Variants in GRIK1 observed in about 807,000 individuals in gnomAD.
The protein encoded by GRIK1 is glutamate ionotropic receptor kainate type subunit 1, also known as glutamate receptor ionotropic, kainate 1.
Under a neutral mutation model 105.7 loss-of-function variants are expected in GRIK1, and 69 were observed. That is an observed-to-expected ratio of 0.65 (90% CI 0.54 to 0.80). The LOEUF is 0.80. GRIK1 is among the 30% of genes least tolerant of loss of function. The pLI, the probability that GRIK1 is intolerant of heterozygous loss-of-function variation, is 0.00. For synonymous variants in GRIK1, 438 were observed against 431.3 expected, an observed-to-expected ratio of 1.02 and a Z score of -0.19; for missense variants, 1,109 against 1,167.3, an observed-to-expected ratio of 0.95 and a Z score of 0.73.
At chr21:29,777,622 G>A (rs1434555269) in intron 1 of GRIK1, among the ~76,000 whole-genome samples, 1 of 152,154 alleles carries the variant, frequency 6.6e-6, no homozygotes, top group African/African-American at 2.4e-5. Context: ...GGCAAGCAGG[G>A]AACGAATATC....
intron 3 of GRIK1, among the ~76,000 whole-genome samples, chr21:29,674,793 A>G (rs750857573): frequency 6.6e-6 from 1 of 152,174 alleles, no homozygotes; most frequent in Non-Finnish European, 1.5e-5. Flanking sequence ...GTTATAAATT[A>G]CTCAGTCTCA....
intron 1 of GRIK1, among the ~76,000 whole-genome samples, chr21:29,833,292 T>C (rs419698): frequency 0.39 from 59,121 of 152,022 alleles, 12,586 homozygotes; most frequent in East Asian, 0.7. Flanking sequence ...GCCTTCCACT[T>C]TTTTCCAACC....
At chr21:29,882,570 C>T (rs1001209819) in intron 1 of GRIK1, among the ~76,000 whole-genome samples, 6 of 152,032 alleles carry the variant, frequency 3.9e-5, no homozygotes, top group African/African-American at 1.4e-4. Context: ...AGAAGCAGCT[C>T]ATGATGGGGA....
intron 1 of GRIK1, among the ~76,000 whole-genome samples, chr21:29,740,287 G>A (rs1310351320): frequency 6.6e-5 from 10 of 150,992 alleles, no homozygotes; most frequent in East Asian, 3.9e-4. Flanking sequence ...GCACAATCTC[G>A]GCTGACTGCA....
intron 4 of GRIK1, among the ~76,000 whole-genome samples, chr21:29,664,256 G>A (rs1442169726): frequency 6.6e-6 from 1 of 152,196 alleles, no homozygotes; most frequent in Non-Finnish European, 1.5e-5. Flanking sequence ...ATGTAGAGCA[G>A]GGAGTGATGT....
chr21:29,740,897 TA>T (rs1422563801), intron 1 of GRIK1, among the ~76,000 whole-genome samples: 1 of 152,214 alleles, frequency 6.6e-6, no homozygotes, highest in Non-Finnish European at 1.5e-5. Flanking sequence ...ATTCACCAAG[TA>T]GATAGCTGAA....
chr21:29,823,797 T>G (rs2067370469), intron 1 of GRIK1, among the ~76,000 whole-genome samples: 1 of 152,034 alleles, frequency 6.6e-6, no homozygotes, highest in Non-Finnish European at 1.5e-5. Flanking sequence ...TTTGTGTATC[T>G]GTTAACTCAA....
intron 1 of GRIK1, among the ~76,000 whole-genome samples, chr21:29,848,441 C>T (rs990228564): frequency 2.7e-4 from 41 of 152,098 alleles, no homozygotes; most frequent in African/African-American, 9.4e-4. Flanking sequence ...CAATTGAATC[C>T]TCCACTCACA....
chr21:29,560,507 C>CTTTCTTTCTTTCTTTCTTT lies in GRIK1; in HGVS notation c.2356+1116_2356+1117insAAAGAAAGAAAGAAAGAAA, dbSNP rs1568815221. Among the ~76,000 whole-genome samples the CTTTCTTTCTTTCTTTCTTT allele has an allele frequency of 2.0e-3, 61 of 30,126 alleles. 15 individuals carry two copies. Among genetic ancestry groups the CTTTCTTTCTTTCTTTCTTT allele is most frequent in the East Asian group, 5.8e-3 (7 of 1,202 alleles). The allele number at this position is 30,126 out of a possible 152,430, so 19.8% of individuals were successfully genotyped here. ...CCTTTCTTTCTTTCTTTCCTTCCTT[C>CTTTCTTTCTTTCTTTCTTT]CTTCCTTCCTTCCTTTCTTTCTTTC... On this transcript the variant is annotated intron_variant, in intron 15 of 17. Coordinates refer to ENST00000327783, the MANE Select transcript of GRIK1 (RefSeq NM_001330994.2).
At chr21:29,567,621 T>C (rs971434801) in intron 14 of GRIK1, among the ~76,000 whole-genome samples, 18 of 152,202 alleles carry the variant, frequency 1.2e-4, no homozygotes, top group African/African-American at 4.1e-4. Context: ...CAAACAATTA[T>C]ATTTTAAGAT....
chr21:29,819,572 T>G (rs986363616), intron 1 of GRIK1, among the ~76,000 whole-genome samples: 1 of 152,038 alleles, frequency 6.6e-6, no homozygotes, highest in African/African-American at 2.4e-5. Flanking sequence ...CTGTTGAGGT[T>G]ATTTCCAATC....
chr21:29,903,819 G>A (rs2070502595), intron 1 of GRIK1, among the ~76,000 whole-genome samples: 1 of 152,138 alleles, frequency 6.6e-6, no homozygotes, highest in Non-Finnish European at 1.5e-5. Flanking sequence ...AAAGACACAT[G>A]CACACATATA....
intron 1 of GRIK1, among the ~76,000 whole-genome samples, chr21:29,915,168 A>G (rs1219314542): frequency 6.6e-6 from 1 of 150,422 alleles, no homozygotes; most frequent in African/African-American, 2.5e-5. Context: ...TTTCCACGCT[A>G]TATACATGAA....
intron 6 of GRIK1, among the ~76,000 whole-genome samples, chr21:29,644,623 G>A (rs1484060726): frequency 1.3e-5 from 2 of 152,116 alleles, no homozygotes; most frequent in Non-Finnish European, 2.9e-5. Flanking sequence ...TATCCACTTT[G>A]TAGATGAGAA....
At chr21:29,711,907 T>G (rs1167193442) in intron 1 of GRIK1, among the ~76,000 whole-genome samples, 2 of 148,214 alleles carry the variant, frequency 1.3e-5, no homozygotes, top group East Asian at 3.9e-4. Flanking sequence ...AGAAAACTTG[T>G]GAAATTTTTC....
chr21:29,884,367 T>C (rs1250387879), intron 1 of GRIK1, among the ~76,000 whole-genome samples: 1 of 152,030 alleles, frequency 6.6e-6, no homozygotes, highest in Non-Finnish European at 1.5e-5. Flanking sequence ...TTAACCAGAG[T>C]CTACTTACCA....
chr21:29,848,779 A>ATATATATTT lies in GRIK1; in HGVS notation c.118+90603_118+90604insAAATATATA. On this transcript the variant is annotated intron_variant, in intron 1 of 17. Coordinates refer to ENST00000327783, the MANE Select transcript of GRIK1 (RefSeq NM_001330994.2). ...TGTATATATATATATATATATATATATTTTTTTTTTTTTCCACGATCTTCA... is the reference window on the plus strand; with the variant it reads ...TGTATATATATATATATATATATATATATATATTTTTTTTTTTTTTTTCCACGATCTTCA... Among the ~76,000 whole-genome samples, 183 of 77,848 alleles carry ATATATATTT rather than the reference A, an allele frequency of 2.4e-3. 2 individuals carry two copies. The highest frequency in any genetic ancestry group is 5.9e-3 in the South Asian group (11 of 1,868). 51.1% of individuals were successfully genotyped at this position (77,848 alleles called of 152,430 possible). A position where few individuals can be genotyped will look rare whatever the true frequency, so the allele number is the denominator to read the frequency against.
rs1487890706 is a variant in GRIK1 at position 29,822,984 on chromosome 21, G to T, written c.118+116399C>A. 2.0e-5 allele frequency among the ~76,000 whole-genome samples: 3 copies of T among 151,914 alleles called. No individual in the cohort carries two copies. The East Asian group carries it at 5.8e-4, about 29-fold the overall frequency. On this transcript the variant is annotated intron_variant, in intron 1 of 17. Coordinates refer to ENST00000327783, the MANE Select transcript of GRIK1 (RefSeq NM_001330994.2). ...GAAGGGGCTGGGACCTCAGAAAAGG[G>T]CATGGAACTTGACATTGTAAAACCT...
At chr21:29,909,210 T>C (rs1049953041) in intron 1 of GRIK1, among the ~76,000 whole-genome samples, 2 of 151,956 alleles carry the variant, frequency 1.3e-5, no homozygotes, top group Admixed American at 1.3e-4. Flanking sequence ...AAATATAATA[T>C]TTAACAGGGA....
Sources: gnomAD v4.1 joint callset for allele counts (sites outside exome capture counted in the v4.1 genomes callset) on GRCh38, gnomAD v4.1.1 for gene constraint, MANE v1.5 for transcripts, NCBI Gene and HGNC (gene_info 2026-07-23, HGNC 2026-07-21) for gene names.